The following SYTL2 variants were observed in gnomAD, a reference collection of about 807,000 sequenced individuals.
The protein encoded by SYTL2 is synaptotagmin like 2, also known as synaptotagmin-like protein 2.
SYTL2 carries 165 observed loss-of-function variants against 198.7 expected under a neutral mutation model. The observed-to-expected ratio is 0.83, with a 90% confidence interval of 0.73 to 0.94. The LOEUF is 0.94. SYTL2 is among the 40% of genes least tolerant of loss of function. SYTL2 has a pLI of 0.00. For synonymous variants in SYTL2, 966 were observed against 917.7 expected (o/e 1.05, Z -0.95); for missense variants, 2,835 against 2,582.8 (o/e 1.10, Z -2.12).
chr11:85,714,018 G>T (rs939761276), intron 12 of SYTL2, among the ~76,000 whole-genome samples: 1 of 152,192 alleles, frequency 6.6e-6, no homozygotes, highest in Non-Finnish European at 1.5e-5. Flanking sequence ...AAAGCTTGAT[G>T]TGTCATTGTT....
chr11:85,733,365 G>A (rs588968), intron 7 of SYTL2, among the ~76,000 whole-genome samples: 107,189 of 152,052 alleles, frequency 0.7, 38,396 homozygotes, highest in African/African-American at 0.83. Flanking sequence ...TGTTTAAATA[G>A]TTGATATGGT....
intron 4 of SYTL2, among the ~76,000 whole-genome samples, chr11:85,737,946 G>C (rs766105876): frequency 6.6e-6 from 1 of 152,194 alleles, no homozygotes; most frequent in East Asian, 1.9e-4. Flanking sequence ...CCTGGGTGGG[G>C]AGAGGAACAA....
chr11:85,745,877 C>T (rs915165335), intron 3 of SYTL2, 105 bp from the exon 4 acceptor site: 1 of 1,164,968 alleles, frequency 8.6e-7, no homozygotes. Flanking sequence ...AACCTCAGGC[C>T]TTCCCAGTGC....
upstream of SYTL2, among the ~76,000 whole-genome samples, chr11:85,812,184 G>T (rs544979450): frequency 1.3e-5 from 2 of 152,174 alleles, no homozygotes; most frequent in African/African-American, 2.4e-5. Flanking sequence ...GCCAGCCCAG[G>T]CAAACCTCTG....
the SYTL2 span, among the ~76,000 whole-genome samples, chr11:85,827,453 A>G: frequency 6.6e-6 from 1 of 152,114 alleles, no homozygotes; most frequent in Admixed American, 6.5e-5. Context: ...CAGTCTTCAC[A>G]ATATGCCATT....
In SYTL2 at chr11:85,725,744, T is replaced by C; in HGVS notation, c.3614A>G (p.Lys1205Arg). The C allele has an allele frequency of 6.2e-7, 1 of 1,614,172 alleles. No individual in the cohort carries two copies. Among genetic ancestry groups the C allele is most frequent in the South Asian group, 1.1e-5 (1 of 91,084 alleles). The change falls in exon 8 of 20, where the codon AAA becomes AGA. Residue 1205 changes from lysine (K) to arginine (R), a missense_variant. Around this residue, in one of 3 missense-constraint regions of SYTL2, gnomAD observed 2,645 missense variants for 2,381.7 expected, o/e 1.11. Coordinates refer to ENST00000359152, the MANE Select transcript of SYTL2 (RefSeq NM_206927.4). ...VDKTVVHPKV[K>R]RNSLTASLDK... The stretch of plus-strand genomic sequence containing the variant: ...TAGACTAGCAGTCAAAGAGTTCCGT[T>C]TAACCTTTGGATGAACTACTGTTTT...
chr11:85,792,814 A>T (rs990433151), intron 1 of SYTL2, among the ~76,000 whole-genome samples: 4 of 150,306 alleles, frequency 2.7e-5, no homozygotes, highest in East Asian at 2.0e-4. Flanking sequence ...GAGTGTGATG[A>T]TCCCCTTCCT....
intron 16 of SYTL2, among the ~76,000 whole-genome samples, chr11:85,704,234 T>C (rs2084784181): frequency 6.6e-6 from 1 of 151,996 alleles, no homozygotes; most frequent in Admixed American, 6.5e-5. Context: ...CTAATAGAGC[T>C]ATATAAATAC....
intron 2 of SYTL2, 142 bp from the exon 3 acceptor site, chr11:85,748,565 G>C (rs2091316094): frequency 7.9e-6 from 7 of 885,408 alleles, no homozygotes; most frequent in Non-Finnish European, 1.2e-5. Flanking sequence ...CTTCCCAGAT[G>C]ACTAACAAGT....
intron 8 of SYTL2, among the ~76,000 whole-genome samples, chr11:85,721,702 G>C (rs2088333925): frequency 6.6e-6 from 1 of 152,084 alleles, no homozygotes; most frequent in African/African-American, 2.4e-5. Flanking sequence ...ATTCGATTAA[G>C]GAATCAATTA....
Position 85,727,615 on chromosome 11 carries a change from A to G in SYTL2, c.1743T>C (p.Ile581=). The G allele has an allele frequency of 6.5e-7, 1 of 1,536,012 alleles. No individual in the cohort carries two copies. Among genetic ancestry groups the G allele is most frequent in the Non-Finnish European group, 8.7e-7 (1 of 1,146,854 alleles). The change falls in exon 8 of 20, where the codon ATT becomes ATC. Residue 581 remains isoleucine, a synonymous_variant. Coordinates refer to ENST00000359152, the MANE Select transcript of SYTL2 (RefSeq NM_206927.4). ...NGSKTLSPSK[I]ELKPVRSDSP... ...AGTCAGATCTCACAGGCTTCAATTC[A>G]ATTTTGCTGGGTGATAGGGTCTTTG...
At chr11:85,831,188 A>G in the SYTL2 span, among the ~76,000 whole-genome samples, 1 of 152,198 alleles carries the variant, frequency 6.6e-6, no homozygotes, top group Non-Finnish European at 1.5e-5. Flanking sequence ...TTAAGTAGTC[A>G]CTCTTCAGAA....
intron 7 of SYTL2, chr11:85,733,597 T>TTG (rs1555240260): frequency 5.2e-5 from 7 of 133,570 alleles, no homozygotes; most frequent in Non-Finnish European, 9.7e-5. Flanking sequence ...TTTTTTTGTT[T>TTG]TTTTTTTTTT....
chr11:85,854,422 T>C, the SYTL2 span: 1 of 151,848 alleles, frequency 6.6e-6, no homozygotes, highest in South Asian at 2.1e-4. Flanking sequence ...AGGATTTTCT[T>C]TTTCTCTCTC....
rs558193106 is a variant in SYTL2 at position 85,781,159 on chromosome 11, G to C, written c.-389-23045C>G. 2.8e-4 allele frequency among the ~76,000 whole-genome samples: 42 copies of C among 152,266 alleles called. 1 individual carries two copies. The highest frequency in any genetic ancestry group is 8.7e-4 in the African/African-American group (36 of 41,536). ...ATTGACTCAAAGTTCAGCATGGCTGGGGAGGCCTCAGGAAACTTACAATCA... is the reference window on the plus strand; with the variant it reads ...ATTGACTCAAAGTTCAGCATGGCTGCGGAGGCCTCAGGAAACTTACAATCA... On this transcript the variant is annotated intron_variant, in intron 1 of 19. Transcript: ENST00000359152.
chr11:85,712,695 T>TACAC (rs200738930), intron 12 of SYTL2, among the ~76,000 whole-genome samples: 415 of 145,562 alleles, frequency 2.9e-3, no homozygotes, highest in African/African-American at 5.8e-3. Flanking sequence ...AAAATACATA[T>TACAC]ACACACACAC....
chr11:85,836,827 T>TAC, the SYTL2 span, among the ~76,000 whole-genome samples: 93 of 151,574 alleles, frequency 6.1e-4, 1 homozygote, highest in African/African-American at 2.0e-3. Flanking sequence ...GAAATGTGTA[T>TAC]ACACACACAC....
chr11:85,779,205 C>T (rs976545734), intron 1 of SYTL2, among the ~76,000 whole-genome samples: 1 of 152,042 alleles, frequency 6.6e-6, no homozygotes, highest in African/African-American at 2.4e-5. Flanking sequence ...AAACCAGGAT[C>T]CTCATCCCCA....
intron 14 of SYTL2, among the ~76,000 whole-genome samples, chr11:85,708,837 A>ACTTTTTTT (rs767972741): frequency 2.8e-5 from 2 of 71,596 alleles, no homozygotes; most frequent in Admixed American, 2.0e-4. Context: ...CTTCTCTGTG[A>ACTTTTTTT]TTTTTTTTTT....
Sources: gnomAD v4.1 joint callset for allele counts (sites outside exome capture counted in the v4.1 genomes callset) on GRCh38, gnomAD v4.1.1 for gene constraint, gnomAD v4.1.1 regional missense constraint, MANE v1.5 for transcripts, NCBI Gene and HGNC (gene_info 2026-07-23, HGNC 2026-07-21) for gene names.